Variants in SPOCK1 observed in about 807,000 individuals in gnomAD.
SPOCK1 encodes testican-1.
A neutral mutation model predicts 55.3 loss-of-function variants in SPOCK1; 23 were observed. The observed-to-expected ratio is 0.42, with a 90% CI of 0.30 to 0.59. SPOCK1 has a LOEUF of 0.59. SPOCK1 is among the 20% of genes least tolerant of loss of function. The pLI is 0.22. For synonymous variants in SPOCK1, 226 were observed against 221.0 expected, an observed-to-expected ratio of 1.02 and a Z score of -0.20; for missense variants, 499 against 552.5, an observed-to-expected ratio of 0.90 and a Z score of 0.97.
intron 2 of SPOCK1, among the ~76,000 whole-genome samples, chr5:137,339,026 C>A (rs1750355020): frequency 6.6e-6 from 1 of 152,164 alleles, no homozygotes; most frequent in South Asian, 2.1e-4. Context: ...AGCACATGGC[C>A]AGGGCACACA....
At chr5:137,296,339 C>T (rs1757478791) in intron 2 of SPOCK1, among the ~76,000 whole-genome samples, 1 of 152,154 alleles carries the variant, frequency 6.6e-6, no homozygotes, top group Non-Finnish European at 1.5e-5. Context: ...CACCAAGTCA[C>T]GCAAGGGGAG....
chr5:137,247,951 C>A (rs1476700285), intron 3 of SPOCK1, among the ~76,000 whole-genome samples: 1 of 152,200 alleles, frequency 6.6e-6, no homozygotes, highest in Non-Finnish European at 1.5e-5. Flanking sequence ...TAGGCCCCAC[C>A]TCCTAACATC....
intron 2 of SPOCK1, among the ~76,000 whole-genome samples, chr5:137,324,516 G>A (rs549095165): frequency 2.0e-5 from 3 of 152,210 alleles, no homozygotes; most frequent in Middle Eastern, 3.4e-3. Context: ...ATACAAGCCA[G>A]TCACAAAAGA....
chr5:137,475,734 T>G (rs1753825305), intron 2 of SPOCK1, among the ~76,000 whole-genome samples: 1 of 151,972 alleles, frequency 6.6e-6, no homozygotes, highest in Non-Finnish European at 1.5e-5. Context: ...AAGCACACCA[T>G]GCTGGCTAAT....
chr5:137,344,577 C>T (rs987769517), intron 2 of SPOCK1, among the ~76,000 whole-genome samples: 13 of 152,136 alleles, frequency 8.5e-5, no homozygotes, highest in African/African-American at 3.1e-4. Flanking sequence ...GTGCCACTGA[C>T]ATTTAGTGGG....
chr5:137,331,253 A>G (rs1014370006), intron 2 of SPOCK1, among the ~76,000 whole-genome samples: 1 of 152,206 alleles, frequency 6.6e-6, no homozygotes, highest in Non-Finnish European at 1.5e-5. Context: ...CTGCCTTGTC[A>G]TCTCTCAAAT....
intron 6 of SPOCK1, among the ~76,000 whole-genome samples, chr5:137,001,621 C>T (rs1408163051): frequency 3.8e-4 from 58 of 152,212 alleles, no homozygotes; most frequent in Non-Finnish European, 5.9e-5. Flanking sequence ...CTCTCACAAC[C>T]CTCAGTGTAC....
chr5:137,028,616 G>C (rs1205792234), intron 6 of SPOCK1, among the ~76,000 whole-genome samples: 1 of 152,090 alleles, frequency 6.6e-6, no homozygotes, highest in Non-Finnish European at 1.5e-5. Flanking sequence ...GGGGTAGAGA[G>C]ATCAGTGAGG....
intron 3 of SPOCK1, among the ~76,000 whole-genome samples, chr5:137,258,147 C>T (rs1246966387): frequency 5.9e-5 from 9 of 152,158 alleles, no homozygotes; most frequent in South Asian, 2.1e-4. Context: ...ACCCCTCATG[C>T]CACATGTGTA....
At chr5:137,313,247 C>T (rs570032569) in intron 2 of SPOCK1, among the ~76,000 whole-genome samples, 1 of 152,278 alleles carries the variant, frequency 6.6e-6, no homozygotes, top group Non-Finnish European at 1.5e-5. Context: ...TTTGGAGCAA[C>T]ACATAAGCCA....
chr5:137,018,891 C>G (rs1048694189), intron 6 of SPOCK1, among the ~76,000 whole-genome samples: 4 of 152,102 alleles, frequency 2.6e-5, no homozygotes, highest in African/African-American at 9.7e-5. Flanking sequence ...ATAAAAAGTT[C>G]TTTCAAATCA....
intron 6 of SPOCK1, among the ~76,000 whole-genome samples, chr5:137,010,525 A>T (rs1751330115): frequency 6.6e-6 from 1 of 152,028 alleles, no homozygotes; most frequent in African/African-American, 2.4e-5. Flanking sequence ...ATGTCCTGGG[A>T]GGGTGACACT....
At chr5:137,448,234 A>C (rs569972211) in intron 2 of SPOCK1, among the ~76,000 whole-genome samples, 1 of 152,316 alleles carries the variant, frequency 6.6e-6, no homozygotes, top group Non-Finnish European at 1.5e-5. Context: ...GGTGACAAGA[A>C]CAAGACTTCA....
intron 2 of SPOCK1, among the ~76,000 whole-genome samples, chr5:137,312,712 G>C (rs902905204): frequency 6.6e-6 from 1 of 152,186 alleles, no homozygotes; most frequent in Admixed American, 6.5e-5. Context: ...ACAGTGGATA[G>C]GGTACAGTGG....
At chr5:137,172,827 A>T (rs937959244) in intron 3 of SPOCK1, among the ~76,000 whole-genome samples, 2 of 152,184 alleles carry the variant, frequency 1.3e-5, no homozygotes, top group African/African-American at 4.8e-5. Context: ...ACTTGGGGGT[A>T]CAAAGCTTAT....
intron 2 of SPOCK1, among the ~76,000 whole-genome samples, chr5:137,496,189 T>C (rs1233850101): frequency 1.3e-5 from 2 of 152,072 alleles, no homozygotes; most frequent in Admixed American, 1.3e-4. Flanking sequence ...ACCCCAGAAA[T>C]GTAAAGTCAG....
At chr5:137,401,933 T>C (rs915884603) in intron 2 of SPOCK1, among the ~76,000 whole-genome samples, 9 of 152,132 alleles carry the variant, frequency 5.9e-5, no homozygotes, top group Non-Finnish European at 1.2e-4. Flanking sequence ...GCTAAAGGTG[T>C]TTTTACTCAA....
chr5:137,312,841 A>T (rs142019435), intron 2 of SPOCK1, among the ~76,000 whole-genome samples: 1 of 152,230 alleles, frequency 6.6e-6, no homozygotes, highest in African/African-American at 2.4e-5. Flanking sequence ...GTCCACTTGC[A>T]GGAGATTCCT....
intron 2 of SPOCK1, among the ~76,000 whole-genome samples, chr5:137,346,695 C>T (rs538988031): frequency 2.0e-5 from 3 of 152,218 alleles, no homozygotes; most frequent in Non-Finnish European, 4.4e-5. Context: ...GGCTTGCCTC[C>T]TTCTACCAAC....
Sources: gnomAD v4.1 joint callset for allele counts (sites outside exome capture counted in the v4.1 genomes callset) on GRCh38, gnomAD v4.1.1 for gene constraint, MANE v1.5 for transcripts, NCBI Gene and HGNC (gene_info 2026-07-23, HGNC 2026-07-21) for gene names.